Variants in RORA observed in about 807,000 individuals in gnomAD.
The protein encoded by RORA is nuclear receptor ROR-alpha.
RORA carries 7 observed loss-of-function variants against 69.5 expected under a neutral mutation model. That is an observed-to-expected ratio of 0.10 (90% confidence interval 0.06 to 0.19). The LOEUF (loss-of-function observed/expected upper bound fraction) is 0.19, where lower values mean the gene tolerates loss of function less well. Ranked by LOEUF, RORA falls within the 10% of genes least tolerant of loss-of-function variation. The pLI, the probability that RORA is intolerant of heterozygous loss-of-function variation, is 1.00. For missense variants in RORA, 457 were observed against 663.0 expected (o/e 0.69, Z 3.41); for synonymous variants, 261 against 240.8 (o/e 1.08, Z -0.78).
chr15:60,969,514 G>A (rs552234631), intron 1 of RORA, among the ~76,000 whole-genome samples: 1 of 152,204 alleles, frequency 6.6e-6, no homozygotes, highest in Non-Finnish European at 1.5e-5. Flanking sequence ...TCACAGGATT[G>A]CAGGCAACAT....
chr15:60,771,504 G>T (rs1350951145), intron 1 of RORA, among the ~76,000 whole-genome samples: 7 of 152,148 alleles, frequency 4.6e-5, no homozygotes, highest in Non-Finnish European at 8.8e-5. Context: ...TCCAGCACTA[G>T]GCCTTTCATA....
At chr15:60,888,734 C>T (rs1024680240) in intron 1 of RORA, among the ~76,000 whole-genome samples, 13 of 152,260 alleles carry the variant, frequency 8.5e-5, no homozygotes, top group African/African-American at 3.1e-4. Context: ...AGACATCAGG[C>T]GGGTGCTTGT....
At chr15:60,892,345 A>T (rs2073821099) in intron 1 of RORA, among the ~76,000 whole-genome samples, 1 of 152,186 alleles carries the variant, frequency 6.6e-6, no homozygotes, top group Non-Finnish European at 1.5e-5. Flanking sequence ...CTCTTAACAT[A>T]TTTTTAACTT....
intron 1 of RORA, among the ~76,000 whole-genome samples, chr15:61,099,140 A>G (rs2078841331): frequency 6.6e-6 from 1 of 152,256 alleles, no homozygotes; most frequent in Non-Finnish European, 1.5e-5. Flanking sequence ...TTACAAAGGT[A>G]TGAAAGAATC....
At chr15:60,566,445 GTTAA>G (rs1227347048) in intron 2 of RORA, among the ~76,000 whole-genome samples, 3 of 152,166 alleles carry the variant, frequency 2.0e-5, no homozygotes, top group South Asian at 2.1e-4. Context: ...AAACTGCCTT[GTTAA>G]TTAATCACAG....
At chr15:60,941,122 A>G (rs1892683768) in intron 1 of RORA, among the ~76,000 whole-genome samples, 1 of 152,194 alleles carries the variant, frequency 6.6e-6, no homozygotes, top group Non-Finnish European at 1.5e-5. Flanking sequence ...AAGCTTGGAG[A>G]CACCAAACAC....
chr15:60,539,103 C>G (rs1014162530), intron 2 of RORA, among the ~76,000 whole-genome samples: 2 of 151,842 alleles, frequency 1.3e-5, no homozygotes, highest in African/African-American at 4.8e-5. Context: ...GGAACTTTGA[C>G]GATTTTTCTT....
chr15:60,731,646 G>T (rs1447084397), intron 1 of RORA, among the ~76,000 whole-genome samples: 1 of 152,214 alleles, frequency 6.6e-6, no homozygotes, highest in African/African-American at 2.4e-5. Context: ...AACAGAGGAA[G>T]CAAGTAGAGC....
At chr15:60,742,235 A>C (rs1049223411) in intron 1 of RORA, among the ~76,000 whole-genome samples, 1 of 152,194 alleles carries the variant, frequency 6.6e-6, no homozygotes, top group African/African-American at 2.4e-5. Context: ...AGTGAAAATA[A>C]CTTCAATGTT....
At chr15:61,084,343 T>C (rs2078590532) in intron 1 of RORA, among the ~76,000 whole-genome samples, 1 of 152,186 alleles carries the variant, frequency 6.6e-6, no homozygotes, top group Non-Finnish European at 1.5e-5. Flanking sequence ...GTAGCAACTG[T>C]ACAGATTCTA....
chr15:60,829,161 C>T (rs989044439), intron 1 of RORA, among the ~76,000 whole-genome samples: 1 of 152,150 alleles, frequency 6.6e-6, no homozygotes, highest in Non-Finnish European at 1.5e-5. Context: ...CTTCGCTTAC[C>T]TGGACTGCTG....
chr15:61,129,406 A>C (rs888088810), intron 1 of RORA, among the ~76,000 whole-genome samples: 1 of 152,164 alleles, frequency 6.6e-6, no homozygotes, highest in African/African-American at 2.4e-5. Flanking sequence ...GCAAATATAC[A>C]GAGACAGAAG....
intron 2 of RORA, among the ~76,000 whole-genome samples, chr15:60,624,880 C>G (rs28408562): frequency 0.47 from 71,492 of 151,742 alleles, 16,814 homozygotes; most frequent in East Asian, 0.53. Context: ...TTAGCAACCC[C>G]AGTATCATTC....
intron 1 of RORA, among the ~76,000 whole-genome samples, chr15:61,180,751 T>C (rs1470017486): frequency 1.3e-5 from 2 of 152,214 alleles, no homozygotes; most frequent in African/African-American, 4.8e-5. Flanking sequence ...GGTTGCCCAC[T>C]TTTGAGTTCC....
chr15:60,925,810 C>T (rs1892201204), intron 1 of RORA, among the ~76,000 whole-genome samples: 1 of 152,224 alleles, frequency 6.6e-6, no homozygotes, highest in Non-Finnish European at 1.5e-5. Context: ...TGCTGGTACT[C>T]AGGACAGTGC....
chr15:60,524,974 G>C (rs1276661490), intron 3 of RORA, among the ~76,000 whole-genome samples: 1 of 152,118 alleles, frequency 6.6e-6, no homozygotes, highest in Non-Finnish European at 1.5e-5. Context: ...CTGAATCCTA[G>C]GTGTATCTTA....
rs958837696 is a variant in RORA, at chr15:60,696,336, C to T, written c.167-17650G>A. 9.9e-5 allele frequency among the ~76,000 whole-genome samples: 15 copies of T among 151,886 alleles called. 1 individual carries two copies. Among genetic ancestry groups the T allele is most frequent in the East Asian group, 1.9e-4 (1 of 5,158 alleles). On this transcript the variant is annotated intron_variant, in intron 1 of 10. Transcript: ENST00000335670. ...CCCCTCCTGCCATTTGATTCATTGA[C>T]GAGAGTCCCACTTTCTTTCCACTTA...
intron 1 of RORA, among the ~76,000 whole-genome samples, chr15:60,960,310 A>G (rs1240754383): frequency 6.6e-6 from 1 of 152,210 alleles, no homozygotes; most frequent in Non-Finnish European, 1.5e-5. Context: ...CCTGTAGCAA[A>G]GACAACCTCT....
intron 3 of RORA, among the ~76,000 whole-genome samples, chr15:60,525,811 T>G (rs1007067991): frequency 9.9e-5 from 15 of 152,212 alleles, no homozygotes; most frequent in Non-Finnish European, 1.8e-4. Flanking sequence ...AAGCATGTAC[T>G]GTGTTGCAAT....
Sources: gnomAD v4.1 joint callset for allele counts (sites outside exome capture counted in the v4.1 genomes callset) on GRCh38, gnomAD v4.1.1 for gene constraint, MANE v1.5 for transcripts, NCBI Gene and HGNC (gene_info 2026-07-23, HGNC 2026-07-21) for gene names.